Variants in MACROD2 observed in about 807,000 individuals in gnomAD.
MACROD2 encodes the protein ADP-ribose glycohydrolase MACROD2.
Under a neutral mutation model 70.4 loss-of-function variants are expected in MACROD2, and 36 were observed. The ratio of observed to expected loss-of-function variants is 0.51; its 90% CI spans 0.39 to 0.68. MACROD2 has a LOEUF of 0.68. Ranked by LOEUF, MACROD2 falls within the 30% of genes least tolerant of loss-of-function variation. The pLI is 0.00. For synonymous variants in MACROD2, 172 were observed against 178.8 expected (o/e 0.96, Z 0.30); for missense variants, 496 against 538.4 (o/e 0.92, Z 0.78).
chr20:15,454,618 A>C (rs1420882466), intron 7 of MACROD2, among the ~76,000 whole-genome samples: 1 of 152,106 alleles, frequency 6.6e-6, no homozygotes, highest in Non-Finnish European at 1.5e-5. Flanking sequence ...CTCCAATTTC[A>C]TGAGAGACAG....
intron 5 of MACROD2, among the ~76,000 whole-genome samples, chr20:15,153,622 T>A (rs1459881470): frequency 2.6e-5 from 4 of 152,194 alleles, no homozygotes; most frequent in Non-Finnish European, 5.9e-5. Context: ...ACCTGTCTCA[T>A]AAGCATAATG....
intron 3 of MACROD2, among the ~76,000 whole-genome samples, chr20:14,252,958 A>C (rs1190544621): frequency 6.6e-6 from 1 of 152,068 alleles, no homozygotes; most frequent in African/African-American, 2.4e-5. Context: ...TAAGATTAAA[A>C]TTATATACTT....
chr20:15,011,401 G>A (rs1042530728), intron 5 of MACROD2, among the ~76,000 whole-genome samples: 3 of 152,026 alleles, frequency 2.0e-5, no homozygotes, highest in Non-Finnish European at 4.4e-5. Flanking sequence ...CTTTTTAATT[G>A]GTATTTTTAG....
At chr20:15,728,701 C>G (rs1411041746) in intron 8 of MACROD2, among the ~76,000 whole-genome samples, 2 of 152,018 alleles carry the variant, frequency 1.3e-5, no homozygotes, top group African/African-American at 2.4e-5. Flanking sequence ...TGTTTGTAGT[C>G]ATCTCTGAGA....
chr20:14,775,748 A>G (rs950810804), intron 5 of MACROD2, among the ~76,000 whole-genome samples: 1 of 151,976 alleles, frequency 6.6e-6, no homozygotes, highest in Non-Finnish European at 1.5e-5. Flanking sequence ...GTACATAGAA[A>G]CCATATTCTT....
intron 5 of MACROD2, among the ~76,000 whole-genome samples, chr20:15,092,367 TA>T (rs984220757): frequency 2.0e-5 from 3 of 149,180 alleles, no homozygotes; most frequent in African/African-American, 7.3e-5. Flanking sequence ...AAAACTATAA[TA>T]AATTTTTATA....
At chr20:14,350,311 C>G (rs1354724322) in intron 3 of MACROD2, among the ~76,000 whole-genome samples, 1 of 151,998 alleles carries the variant, frequency 6.6e-6, no homozygotes, top group Non-Finnish European at 1.5e-5. Context: ...CAAAACTGTT[C>G]TCCGTAGTGG....
chr20:14,367,237 T>C (rs1291066988), intron 3 of MACROD2, among the ~76,000 whole-genome samples: 1 of 152,232 alleles, frequency 6.6e-6, no homozygotes, highest in East Asian at 1.9e-4. Context: ...ATTGTGTGTC[T>C]GATAACATAC....
intron 4 of MACROD2, among the ~76,000 whole-genome samples, chr20:14,614,576 C>G (rs1363700664): frequency 6.6e-6 from 1 of 152,104 alleles, no homozygotes; most frequent in Non-Finnish European, 1.5e-5. Context: ...TCCATTACTT[C>G]TTTTTATACA....
chr20:14,018,048 T>A (rs554228496), intron 2 of MACROD2, among the ~76,000 whole-genome samples: 9 of 152,284 alleles, frequency 5.9e-5, no homozygotes, highest in Non-Finnish European at 1.2e-4. Context: ...AATATATTCA[T>A]TTTATCTAGG....
intron 10 of MACROD2, chr20:15,894,018 G>C: frequency 2.3e-6 from 1 of 435,428 alleles, no homozygotes; most frequent in South Asian, 1.6e-5. Flanking sequence ...CCCATGCTCA[G>C]TCACTGGCTG....
In MACROD2 at chr20:15,657,386, G is replaced by A. The variant is rs568967154; in HGVS notation, c.645+157539G>A. On this transcript the variant is annotated intron_variant, in intron 8 of 17. Coordinates refer to ENST00000684519, the MANE Select transcript of MACROD2 (RefSeq NM_001351661.2). ...CGGCTACCTGTTGTTGCTGGTATGG[G>A]GAGGGAGATGAATAAAAGCAGTTCC... Among the ~76,000 whole-genome samples, 93 of 152,286 alleles carry A rather than the reference G, an allele frequency of 6.1e-4. No individual in the cohort carries two copies. In the South Asian group the frequency reaches 0.018, roughly 29 times the overall value.
chr20:14,329,957 TG>T (rs1250848352), intron 3 of MACROD2, among the ~76,000 whole-genome samples: 5 of 152,040 alleles, frequency 3.3e-5, no homozygotes, highest in Non-Finnish European at 7.4e-5. Flanking sequence ...CAGGTGTTCT[TG>T]CCCAAAAGGT....
intron 4 of MACROD2, among the ~76,000 whole-genome samples, chr20:14,497,978 C>T (rs1415517055): frequency 1.3e-5 from 2 of 151,652 alleles, no homozygotes; most frequent in Non-Finnish European, 2.9e-5. Context: ...TGGCTTCCTG[C>T]TCTCCTTCTG....
chr20:15,913,411 C>T (rs1236912118), intron 10 of MACROD2, among the ~76,000 whole-genome samples: 5 of 152,098 alleles, frequency 3.3e-5, no homozygotes, highest in African/African-American at 1.2e-4. Flanking sequence ...CTTTTACTTT[C>T]ATCTGTGTGG....
intron 2 of MACROD2, among the ~76,000 whole-genome samples, chr20:14,047,213 G>A (rs1039643833): frequency 1.3e-5 from 2 of 152,124 alleles, no homozygotes; most frequent in East Asian, 1.9e-4. Flanking sequence ...TTGGGAGGCC[G>A]AGGTAGGCGG....
At chr20:15,475,674 G>T (rs1473841750) in intron 7 of MACROD2, among the ~76,000 whole-genome samples, 1 of 152,246 alleles carries the variant, frequency 6.6e-6, no homozygotes, top group African/African-American at 2.4e-5. Context: ...CCAAGGGGAA[G>T]CCCCATGCCC....
chr20:15,113,795 TG>T lies in MACROD2; in HGVS notation c.419-116144del, dbSNP rs2075973280. Among the ~76,000 whole-genome samples, 19 of 146,582 alleles carry T rather than the reference TG, an allele frequency of 1.3e-4. 1 individual carries two copies. The South Asian group carries it at 4.0e-3, about 31-fold the overall frequency. On this transcript the variant is annotated intron_variant, in intron 5 of 17. Coordinates refer to ENST00000684519, the MANE Select transcript of MACROD2 (RefSeq NM_001351661.2). The stretch of plus-strand genomic sequence containing the variant: ...GTGTGTGTGTGTGTGTGTGTGTGTG[TG>T]TGTGCTGGAGGGGTTTTTCAGCTGT...
At chr20:15,696,726 T>C (rs977244283) in intron 8 of MACROD2, among the ~76,000 whole-genome samples, 9 of 148,944 alleles carry the variant, frequency 6.0e-5, no homozygotes, top group African/African-American at 2.2e-4. Context: ...ATTTCAATCT[T>C]GCTGCTTGTT....
Sources: gnomAD v4.1 joint callset for allele counts (sites outside exome capture counted in the v4.1 genomes callset) on GRCh38, gnomAD v4.1.1 for gene constraint, MANE v1.5 for transcripts, NCBI Gene and HGNC (gene_info 2026-07-23, HGNC 2026-07-21) for gene names.